Variants in BDNF observed in about 807,000 individuals in gnomAD.
The protein encoded by BDNF is neurotrophic factor BDNF precursor form.
In BDNF, 1 loss-of-function variant was observed where a neutral mutation model predicts 19.5. That is an observed-to-expected ratio of 0.05 (90% CI 0.02 to 0.24). BDNF has a LOEUF of 0.24. BDNF is among the 10% of genes least tolerant of loss of function. The pLI, the probability that BDNF is intolerant of heterozygous loss-of-function variation, is 1.00. For synonymous variants in BDNF, 100 were observed against 121.6 expected (o/e 0.82, Z 1.17); for missense variants, 195 against 317.6 (o/e 0.61, Z 2.93).
intron 1 of BDNF, among the ~76,000 whole-genome samples, chr11:27,716,233 A>C (rs373936615): frequency 1.4e-4 from 21 of 152,314 alleles, no homozygotes; most frequent in East Asian, 7.7e-4. Context: ...AAAGGGGAAA[A>C]ATTTTTTTGT....
intron 1 of BDNF, chr11:27,674,178 C>T: frequency 1.2e-6 from 2 of 1,609,166 alleles, no homozygotes; most frequent in Non-Finnish European, 1.7e-6. Context: ...TGGGTAGACG[C>T]CAAAACATGT....
Position 27,663,028 on chromosome 11 carries a change from T to C in BDNF, c.-21-4443A>G, listed in dbSNP as rs547854779. ...TATTTCTAACAGATCAATAAGAGAC[T>C]TGGGAAGTAATAACAATAATAATAG... On this transcript the variant is annotated intron_variant, in intron 1 of 1. Transcript: ENST00000356660. Among the ~76,000 whole-genome samples the C allele has an allele frequency of 5.3e-5, 8 of 152,268 alleles. No individual in the cohort carries two copies. The East Asian group carries it at 1.5e-3, about 29-fold the overall frequency.
intron 1 of BDNF, among the ~76,000 whole-genome samples, chr11:27,688,582 G>T (rs929437351): frequency 1.3e-5 from 2 of 152,214 alleles, no homozygotes; most frequent in Non-Finnish European, 2.9e-5. Context: ...TGCAAAGACT[G>T]TAGGAAATGT....
Position 27,700,166 on chromosome 11 carries a change from C to G in BDNF, c.-24G>C. 1 of 985,930 alleles carries G rather than the reference C, an allele frequency of 1.0e-6. No homozygotes were observed. The highest frequency in any genetic ancestry group is 1.2e-6 in the Non-Finnish European group (1 of 830,364). 61.1% of individuals were successfully genotyped at this position (985,930 alleles called of 1,614,324 possible). A position where few individuals can be genotyped will look rare whatever the true frequency, so the allele number is the denominator to read the frequency against. On this transcript the variant is annotated splice_region_variant and 5_prime_UTR_variant, in exon 1 of 2. Transcript: ENST00000356660. ...CCCCATTCCCAGCGCTTGCCTACCT[C>G]GGGGTCCACACAAACCTCACGGGTC... is the stretch of plus-strand genomic sequence containing the variant.
chr11:27,676,099 T>A lies in BDNF; in HGVS notation c.-21-17514A>T, dbSNP rs545214673. 8.5e-5 allele frequency: 13 copies of A among 152,340 alleles called. No individual in the cohort carries two copies. The East Asian group carries it at 2.5e-3, about 29-fold the overall frequency. The allele number at this position is 152,340 out of a possible 1,614,324, so 9.4% of individuals were successfully genotyped here. A position where few individuals can be genotyped will look rare whatever the true frequency, so the allele number is the denominator to read the frequency against. ...TTTAGAGGAGCAGCTGCAAGGAGCC[T>A]GAGAACAAAACTGGAAATGTCTGTT... is the stretch of plus-strand genomic sequence containing the variant. On this transcript the variant is annotated intron_variant, in intron 1 of 1. Coordinates refer to ENST00000356660, the MANE Select transcript of BDNF (RefSeq NM_001709.5).
At chr11:27,719,702 T>G (rs992298237) in intron 1 of BDNF, 1 of 945,800 alleles carries the variant, frequency 1.1e-6, no homozygotes, top group Non-Finnish European at 1.2e-6. Flanking sequence ...GAGGAAGAGA[T>G]AGAATGAGGG....
intron 1 of BDNF, chr11:27,699,440 G>C (rs549261251): frequency 3.4e-4 from 556 of 1,613,946 alleles, no homozygotes; most frequent in Admixed American, 2.8e-3. Flanking sequence ...AATCCCCCAC[G>C]TACATCCCAA....
intron 1 of BDNF, among the ~76,000 whole-genome samples, chr11:27,697,162 C>CAGAGAG (rs1271043342): frequency 0.023 from 2,820 of 125,086 alleles, 56 homozygotes; most frequent in East Asian, 0.087. Context: ...CACACACACA[C>CAGAGAG]ACAGAGAGAG....
At position 27,657,911 on chromosome 11, in the gene BDNF, A is replaced by C. The variant is rs751233672; in HGVS notation, c.654T>G (p.Leu218=). The C allele has an allele frequency of 4.3e-6, 7 of 1,614,126 alleles. No individual in the cohort carries two copies. In the South Asian group the frequency reaches 7.7e-5, roughly 18 times the overall value. ...CAATTCTCTTTTTGCTATCCATGGT[A>C]AGGGCCCGCACGTACGACTGGGTAG... ...CRTTQSYVRA[L]TMDSKKRIGW... is the part of the protein sequence containing the mutation. The change falls in exon 2 of 2, where the codon CTT becomes CTG. Residue 218 remains leucine (L), a synonymous_variant. Transcript: ENST00000356660. This position sits in a 1 kb window ranked among gnomAD's most constrained non-coding sequence, Gnocchi z 5.0.
intron 1 of BDNF, among the ~76,000 whole-genome samples, chr11:27,707,300 C>A (rs539989924): frequency 6.6e-5 from 10 of 152,324 alleles, no homozygotes; most frequent in African/African-American, 2.4e-4. Flanking sequence ...TATGGCCTAA[C>A]AACCCAATGA....
At chr11:27,702,425 T>C (rs901291425), upstream of BDNF, among the ~76,000 whole-genome samples, 5 of 152,108 alleles carry the variant, frequency 3.3e-5, no homozygotes, top group African/African-American at 1.2e-4. Flanking sequence ...ACACTGGGTA[T>C]CAGAGGAATC....
intron 1 of BDNF, among the ~76,000 whole-genome samples, chr11:27,659,905 C>T (rs533778157): frequency 3.3e-5 from 5 of 152,294 alleles, no homozygotes; most frequent in African/African-American, 1.2e-4. Context: ...TGAAAACATA[C>T]CTATGGACCA....
In BDNF at chr11:27,656,811, TA is replaced by T. The variant is rs565661103; in HGVS notation, c.*1009del. On this transcript the variant is annotated 3_prime_UTR_variant, in exon 2 of 2. Transcript: ENST00000356660. ...GGTTATTTTTTGTTGTTTTCTGTTC[TA>T]AAAAAAAATCACTGTTCTCCATGCT... 7.5e-5 allele frequency: 74 copies of T among 983,592 alleles called. No individual in the cohort carries two copies. Among genetic ancestry groups the T allele is most frequent in the South Asian group, 1.9e-4 (4 of 21,216 alleles). 60.9% of individuals were successfully genotyped at this position (983,592 alleles called of 1,614,324 possible). A position where few individuals can be genotyped will look rare whatever the true frequency, so the allele number is the denominator to read the frequency against.
At chr11:27,668,416 A>G (rs1854740883) in intron 1 of BDNF, among the ~76,000 whole-genome samples, 3 of 152,246 alleles carry the variant, frequency 2.0e-5, no homozygotes, top group African/African-American at 7.2e-5. Context: ...AGATCAGAGT[A>G]GAACTGAAGG....
chr11:27,717,707 G>A (rs896938397), intron 1 of BDNF, among the ~76,000 whole-genome samples: 1 of 152,062 alleles, frequency 6.6e-6, no homozygotes, highest in African/African-American at 2.4e-5. Context: ...CTAGTCTTCT[G>A]ACTGATTCCA....
At chr11:27,706,106 G>T (rs1238036239) in intron 1 of BDNF, among the ~76,000 whole-genome samples, 2 of 152,190 alleles carry the variant, frequency 1.3e-5, no homozygotes, top group Non-Finnish European at 2.9e-5. Flanking sequence ...AAGCTGGAGT[G>T]GCACTTAGAG....
chr11:27,717,860 A>AGTGTGTGTGTGTGT (rs56730757), intron 1 of BDNF, among the ~76,000 whole-genome samples: 2 of 147,454 alleles, frequency 1.4e-5, no homozygotes, highest in Non-Finnish European at 3.0e-5. Context: ...TTACAAGTTG[A>AGTGTGTGTGTGTGT]GTGTGTGTGT....
chr11:27,676,249 T>G, intron 1 of BDNF: 1 of 152,204 alleles, frequency 6.6e-6, no homozygotes, highest in East Asian at 1.9e-4. Flanking sequence ...GATACAGTCA[T>G]CAATGCAACT....
At chr11:27,664,836 C>T (rs961100914) in intron 1 of BDNF, among the ~76,000 whole-genome samples, 4 of 152,226 alleles carry the variant, frequency 2.6e-5, no homozygotes, top group Non-Finnish European at 4.4e-5. Flanking sequence ...GCCAGAGCCA[C>T]CCAGAATTCA....
Sources: allele counts gnomAD v4.1 joint callset (sites outside exome capture counted in the v4.1 genomes callset), GRCh38; gene constraint gnomAD v4.1.1; non-coding constraint Gnocchi (gnomAD v3.1); transcripts MANE v1.5; gene names NCBI Gene and HGNC (gene_info 2026-07-23, HGNC 2026-07-21).